FAM120A: variants seen among roughly 807,000 people sequenced by gnomAD.
FAM120A encodes the protein constitutive coactivator of PPAR-gamma-like protein 1.
Under a neutral mutation model 109.7 loss-of-function variants are expected in FAM120A, and 15 were observed. That is an observed-to-expected ratio of 0.14 (90% CI 0.09 to 0.21). FAM120A has a LOEUF of 0.21. Ranked by LOEUF, FAM120A falls within the 10% of genes least tolerant of loss-of-function variation. The probability of loss-of-function intolerance (pLI) is 1.00; values close to 1 mark genes in which losing one functional copy is unlikely to be tolerated. For missense variants in FAM120A, 899 were observed against 1,439.3 expected, an observed-to-expected ratio of 0.62 and a Z score of 6.07; for synonymous variants, 493 against 572.8, an observed-to-expected ratio of 0.86 and a Z score of 1.99.
intron 11 of FAM120A, among the ~76,000 whole-genome samples, chr9:93,550,172 C>T (rs1437489472): frequency 2.0e-5 from 3 of 152,162 alleles, no homozygotes; most frequent in Non-Finnish European, 4.4e-5. Flanking sequence ...CTTTTCATCT[C>T]GGGATTTGTC....
intron 3 of FAM120A, among the ~76,000 whole-genome samples, chr9:93,481,821 C>G (rs1166660508): frequency 6.6e-6 from 1 of 152,158 alleles, no homozygotes; most frequent in Non-Finnish European, 1.5e-5. Context: ...TGAGCCTCCC[C>G]TAGAAGTACT....
At chr9:93,463,721 T>G (rs939673218) in intron 1 of FAM120A, among the ~76,000 whole-genome samples, 3 of 152,214 alleles carry the variant, frequency 2.0e-5, no homozygotes, top group Non-Finnish European at 4.4e-5. Flanking sequence ...CTAAATCAGC[T>G]AGCTGGCTGG....
At chr9:93,563,787 G>T (rs1205618370) in intron 17 of FAM120A, among the ~76,000 whole-genome samples, 1 of 152,216 alleles carries the variant, frequency 6.6e-6, no homozygotes, top group South Asian at 2.1e-4. Context: ...TCTTGTTAAG[G>T]TTCCCTAGCA....
chr9:93,501,082 T>G (rs1487537400), intron 5 of FAM120A, among the ~76,000 whole-genome samples: 1 of 152,160 alleles, frequency 6.6e-6, no homozygotes, highest in Admixed American at 6.5e-5. Context: ...TGATTGGGCA[T>G]TGGAATGAGC....
intron 10 of FAM120A, among the ~76,000 whole-genome samples, chr9:93,542,866 G>A (rs754353580): frequency 7.9e-5 from 12 of 152,152 alleles, no homozygotes; most frequent in South Asian, 2.1e-4. Context: ...ACATACTTCC[G>A]TGAATTACAC....
chr9:93,499,508 G>C (rs574037827), intron 5 of FAM120A, among the ~76,000 whole-genome samples: 3 of 151,964 alleles, frequency 2.0e-5, no homozygotes, highest in Admixed American at 2.0e-4. Flanking sequence ...GACTTGTCTC[G>C]AACTCCTAGC....
In FAM120A at chr9:93,452,430, G is replaced by T; in HGVS notation, c.474+41G>T. On this transcript the variant is annotated intron_variant, in intron 1 of 17. Coordinates refer to ENST00000277165, the MANE Select transcript of FAM120A (RefSeq NM_014612.5). This position sits in a 1 kb window ranked among gnomAD's most constrained non-coding sequence, Gnocchi z 7.0. ...CGGGCGGGCCGGGGACCGGGGCCGC[G>T]CCGCACCCCTATCCCCCTTCCCAGG... 6.4e-7 allele frequency: 1 copy of T among 1,570,956 alleles called. No homozygotes were observed.
intron 7 of FAM120A, among the ~76,000 whole-genome samples, chr9:93,525,261 C>T (rs544716937): frequency 9.3e-5 from 14 of 150,288 alleles, no homozygotes; most frequent in Admixed American, 6.6e-5. Context: ...TGTGTGATCT[C>T]AGGTGGCGCT....
At chr9:93,514,479 T>C (rs1860476687) in intron 5 of FAM120A, among the ~76,000 whole-genome samples, 1 of 152,218 alleles carries the variant, frequency 6.6e-6, no homozygotes. Context: ...AAGGAAGAGA[T>C]GGTGCAGCCG....
chr9:93,560,980 A>T, intron 15 of FAM120A, 129 bp from the exon 16 acceptor site: 1 of 1,008,344 alleles, frequency 9.9e-7, no homozygotes, highest in Non-Finnish European at 1.4e-6. Context: ...AAAATTGTAC[A>T]AAACAGGAGA....
In FAM120A at chr9:93,461,489, A is replaced by G. The variant is rs192133439; in HGVS notation, c.474+9100A>G. Among the ~76,000 whole-genome samples, 8 of 152,308 alleles carry G rather than the reference A, an allele frequency of 5.3e-5. No individual in the cohort carries two copies. In the East Asian group the frequency reaches 1.5e-3, roughly 29 times the overall value. ...CCTAAATTATGAAAATTGAAATTTTATGTTTTAGATTTTGGAATGGTATTT... is the reference window on the plus strand; with the variant it reads ...CCTAAATTATGAAAATTGAAATTTTGTGTTTTAGATTTTGGAATGGTATTT... On this transcript the variant is annotated intron_variant, in intron 1 of 17. Coordinates refer to ENST00000277165, the MANE Select transcript of FAM120A (RefSeq NM_014612.5).
intron 1 of FAM120A, chr9:93,453,272 C>T (rs1290139432): frequency 2.8e-5 from 28 of 989,382 alleles, no homozygotes; most frequent in Non-Finnish European, 3.4e-5. Flanking sequence ...TCTATATCAC[C>T]GGCCTCCTCT....
chr9:93,557,712 A>G, intron 13 of FAM120A, 115 bp from the exon 14 acceptor site: 2 of 1,043,140 alleles, frequency 1.9e-6, no homozygotes, highest in East Asian at 5.2e-5. Flanking sequence ...CATAGAATTC[A>G]TGAATAAAGG....
intron 5 of FAM120A, among the ~76,000 whole-genome samples, chr9:93,506,144 A>T (rs1437944314): frequency 6.6e-6 from 1 of 152,232 alleles, no homozygotes. Flanking sequence ...TATTTCTGCA[A>T]GAGGTCGAGA....
At chr9:93,559,734 G>C (rs1457333225) in intron 15 of FAM120A, among the ~76,000 whole-genome samples, 1 of 152,176 alleles carries the variant, frequency 6.6e-6, no homozygotes, top group Non-Finnish European at 1.5e-5. Context: ...ACTGAAGCTG[G>C]CCTGTAGTTG....
At chr9:93,518,855 G>A (rs539929390) in intron 7 of FAM120A, among the ~76,000 whole-genome samples, 1 of 152,174 alleles carries the variant, frequency 6.6e-6, no homozygotes, top group Non-Finnish European at 1.5e-5. Flanking sequence ...CGTGGCCCAC[G>A]GGCCGCACGC....
intron 10 of FAM120A, among the ~76,000 whole-genome samples, chr9:93,539,285 C>G (rs1025013145): frequency 1.3e-5 from 2 of 151,866 alleles, no homozygotes; most frequent in Non-Finnish European, 2.9e-5. Context: ...GCGTGAGCCA[C>G]CGCGCCTGGC....
At chr9:93,529,264 C>A in intron 8 of FAM120A, 89 bp from the exon 9 acceptor site, 1 of 1,175,436 alleles carries the variant, frequency 8.5e-7, no homozygotes, top group Non-Finnish European at 1.2e-6. Flanking sequence ...CCCTCCGTGT[C>A]TGTCAGGTGA....
At chr9:93,547,675 A>G (rs570204621) in intron 11 of FAM120A, among the ~76,000 whole-genome samples, 1 of 152,324 alleles carries the variant, frequency 6.6e-6, no homozygotes, top group South Asian at 2.1e-4. Context: ...TGCATGGAAA[A>G]GAACATGGAG....
Sources: gnomAD v4.1 joint callset for allele counts (sites outside exome capture counted in the v4.1 genomes callset) on GRCh38, gnomAD v4.1.1 for gene constraint, Gnocchi (gnomAD v3.1) non-coding constraint, MANE v1.5 for transcripts, NCBI Gene and HGNC (gene_info 2026-07-23, HGNC 2026-07-21) for gene names.